MCF2L: variants seen among roughly 807,000 people sequenced by gnomAD.
The protein encoded by MCF2L is guanine nucleotide exchange factor DBS.
MCF2L carries 97 observed loss-of-function variants against 153.4 expected under a neutral mutation model. That is an observed-to-expected ratio of 0.63 (90% CI 0.54 to 0.75). The LOEUF is 0.75. Ranked by LOEUF, MCF2L falls within the 30% of genes least tolerant of loss-of-function variation. The pLI is 0.00. For synonymous variants in MCF2L, 659 were observed against 632.2 expected (o/e 1.04, Z -0.64); for missense variants, 1,347 against 1,495.2 (o/e 0.90, Z 1.64).
At chr13:113,003,276 C>T (rs529295115) in intron 1 of MCF2L, among the ~76,000 whole-genome samples, 3 of 149,462 alleles carry the variant, frequency 2.0e-5, no homozygotes, top group Admixed American at 2.0e-4. Flanking sequence ...GGCTTTGGGG[C>T]ACCATGGAAG....
intron 7 of MCF2L, 119 bp from the exon 8 acceptor site, chr13:113,065,927 G>A: frequency 9.1e-7 from 1 of 1,098,138 alleles, no homozygotes. Context: ...TCGGGGGTCG[G>A]GGATTGACCC....
chr13:112,937,127 C>T (rs1013217270), intron 2 of MCF2L, among the ~76,000 whole-genome samples: 18 of 152,130 alleles, frequency 1.2e-4, no homozygotes, highest in African/African-American at 4.1e-4. Flanking sequence ...GATCATGGCT[C>T]ACTGCAACCT....
Position 113,074,103 on chromosome 13 carries a change from C to T in MCF2L, c.997-341C>T, listed in dbSNP as rs1395959132. Among the ~76,000 whole-genome samples the T allele has an allele frequency of 6.6e-6, 1 of 152,096 alleles. No individual in the cohort carries two copies. The highest frequency in any genetic ancestry group is 2.4e-5 in the African/African-American group (1 of 41,380). On this transcript the variant is annotated intron_variant, in intron 9 of 29. Transcript: ENST00000535094. This position sits in a 1 kb window ranked among gnomAD's most constrained non-coding sequence, Gnocchi z 4.2. ...CAGTGTCCATATTGCTGCTGGCTTT[C>T]GGCTCCCAGGGCCTTTGTCCTTGCG... is the stretch of plus-strand genomic sequence containing the variant.
Position 113,064,970 on chromosome 13 carries a change from C to G in MCF2L, c.641C>G (p.Thr214Arg), listed in dbSNP as rs376518005. The change falls in exon 7 of 30, where the codon ACG (threonine) becomes AGG (arginine). Residue 214 changes from threonine to arginine, a missense_variant. Coordinates refer to ENST00000535094, the MANE Select transcript of MCF2L (RefSeq NM_001112732.3). The surrounding 1 kb of genome is among the most constrained non-coding windows in gnomAD (Gnocchi z 6.0). ...AGTTTCGCCCTCATGGTGAAGCAGA[C>G]GGCTCAGATGCTGCAGTCCTTCGGG... is the stretch of plus-strand genomic sequence containing the variant. Reference protein sequence around the residue: ...IESFALMVKQTAQMLQSFGTE... With the variant: ...IESFALMVKQRAQMLQSFGTE... 1.9e-6 allele frequency: 3 copies of G among 1,613,082 alleles called. No individual in the cohort carries two copies. The South Asian group carries it at 3.3e-5, about 18-fold the overall frequency.
chr13:113,078,639 C>T, intron 14 of MCF2L, 27 bp from the exon 15 acceptor site: 1 of 1,603,508 alleles, frequency 6.2e-7, no homozygotes, highest in Non-Finnish European at 8.5e-7. Context: ...TCCCGCCTTT[C>T]AGACCTGACG....
chr13:112,996,357 C>A (rs1480161549), intron 1 of MCF2L, among the ~76,000 whole-genome samples: 1 of 152,168 alleles, frequency 6.6e-6, no homozygotes, highest in Non-Finnish European at 1.5e-5. Flanking sequence ...TAGAGAGTTT[C>A]TGACAAAAGA....
intron 2 of MCF2L, among the ~76,000 whole-genome samples, chr13:112,905,347 G>C (rs2140505447): frequency 6.6e-6 from 1 of 152,252 alleles, no homozygotes. Context: ...CAGGGGTGGG[G>C]GCTACAGTGG....
intron 1 of MCF2L, among the ~76,000 whole-genome samples, chr13:112,992,748 G>GT (rs1223831455): frequency 6.6e-6 from 1 of 152,204 alleles, no homozygotes; most frequent in African/African-American, 2.4e-5. Context: ...TCCCCTTGGT[G>GT]TTTCGTAGCC....
At chr13:113,073,741 C>G (rs1157187955) in intron 9 of MCF2L, among the ~76,000 whole-genome samples, 1 of 151,940 alleles carries the variant, frequency 6.6e-6, no homozygotes. Context: ...ATGGTGAAAC[C>G]CCATCTCTAC....
chr13:112,915,634 C>T (rs1406717523), intron 2 of MCF2L, among the ~76,000 whole-genome samples: 2 of 151,932 alleles, frequency 1.3e-5, no homozygotes, highest in Non-Finnish European at 2.9e-5. Flanking sequence ...GCTAGTGTAC[C>T]TTTTCCTAGG....
chr13:112,959,837 G>A (rs2081802412), intron 2 of MCF2L, among the ~76,000 whole-genome samples: 2 of 152,212 alleles, frequency 1.3e-5, no homozygotes, highest in Non-Finnish European at 2.9e-5. Flanking sequence ...GCTGGAAACC[G>A]AATTTAGACT....
chr13:113,066,094 C>T lies in MCF2L; in HGVS notation c.805C>T (p.Leu269Phe). 4.3e-6 allele frequency: 7 copies of T among 1,613,416 alleles called. No homozygotes were observed. Among genetic ancestry groups the T allele is most frequent in the Non-Finnish European group, 5.9e-6 (7 of 1,179,942 alleles). ...LKEGHSVLES[L>F]RELQAEGSEP... ...AGAGGGGCACAGTGTCCTGGAGAGC[C>T]TCAGGGAGCTGCAGGCTGAGGGCTC... The change falls in exon 8 of 30, where the codon CTC (leucine) becomes TTC (phenylalanine). Residue 269 changes from leucine (L) to phenylalanine (F), a missense_variant. Transcript: ENST00000535094.
chr13:113,047,034 G>A (rs2086861559), intron 4 of MCF2L: 1 of 161,332 alleles, frequency 6.2e-6, no homozygotes, highest in Middle Eastern at 2.9e-3. Flanking sequence ...TGCCAGTCGT[G>A]GTGGAAGGCA....
intron 2 of MCF2L, among the ~76,000 whole-genome samples, chr13:113,020,966 T>C (rs1156326350): frequency 2.0e-5 from 3 of 152,130 alleles, no homozygotes; most frequent in African/African-American, 7.2e-5. Context: ...TGTGTATATG[T>C]GTGTACTTGT....
intron 1 of MCF2L, among the ~76,000 whole-genome samples, chr13:112,974,266 CAT>C (rs1482608690): frequency 6.6e-6 from 1 of 152,206 alleles, no homozygotes; most frequent in Non-Finnish European, 1.5e-5. Context: ...GGCACCCGGG[CAT>C]GGCTAACCTC....
chr13:112,921,989 A>G (rs1012795481), intron 2 of MCF2L, among the ~76,000 whole-genome samples: 5 of 152,228 alleles, frequency 3.3e-5, no homozygotes, highest in African/African-American at 9.6e-5. Context: ...AGCAGAAAAT[A>G]AGGATAGAAA....
At chr13:113,095,468 C>T (rs539115325) in intron 27 of MCF2L, 11 of 1,071,796 alleles carry the variant, frequency 1.0e-5, no homozygotes, top group Admixed American at 1.0e-4. Context: ...ACAGGGTGCA[C>T]GGGGCCTGGG....
chr13:112,902,341 G>A (rs1251454622), exon 2 of MCF2L: 1 of 1,612,702 alleles, frequency 6.2e-7, no homozygotes, highest in Non-Finnish European at 8.5e-7. Context: ...GCTTGTTCAA[G>A]ACACACCGGA....
intron 2 of MCF2L, among the ~76,000 whole-genome samples, chr13:113,018,817 G>A (rs371003813): frequency 1.3e-5 from 2 of 152,356 alleles, no homozygotes; most frequent in African/African-American, 4.8e-5. Context: ...GCCACTGTGC[G>A]TCTCACTCCC....
Sources: gnomAD v4.1 joint callset for allele counts (sites outside exome capture counted in the v4.1 genomes callset) on GRCh38, gnomAD v4.1.1 for gene constraint, Gnocchi (gnomAD v3.1) non-coding constraint, MANE v1.5 for transcripts, NCBI Gene and HGNC (gene_info 2026-07-23, HGNC 2026-07-21) for gene names.